The following MOB3B variants were observed in gnomAD, a reference collection of about 807,000 sequenced individuals.
The protein encoded by MOB3B is MOB kinase activator-like 2B.
A neutral mutation model predicts 18.7 loss-of-function variants in MOB3B; 7 were observed. The observed-to-expected ratio is 0.37, with a 90% CI of 0.21 to 0.70. The LOEUF is 0.70. MOB3B is among the 30% of genes least tolerant of loss of function. The pLI, the probability that MOB3B is intolerant of heterozygous loss-of-function variation, is 0.52. For synonymous variants in MOB3B, 111 were observed against 99.9 expected (o/e 1.11, Z -0.66); for missense variants, 253 against 281.3 (o/e 0.90, Z 0.72).
At chr9:27,506,971 C>T (rs114859072) in intron 1 of MOB3B, among the ~76,000 whole-genome samples, 1,738 of 151,962 alleles carry the variant, frequency 0.011, 36 homozygotes, top group African/African-American at 0.039. Flanking sequence ...TGAGCCACTG[C>T]GCCCAGCCCA....
chr9:27,391,483 T>C (rs981500203), intron 2 of MOB3B, among the ~76,000 whole-genome samples: 5 of 152,226 alleles, frequency 3.3e-5, no homozygotes, highest in African/African-American at 4.8e-5. Context: ...TATGTTATTG[T>C]TGGAAGTGTG....
chr9:27,330,534 C>G lies in MOB3B; in HGVS notation c.*53G>C. On this transcript the variant is annotated 3_prime_UTR_variant, in exon 4 of 4. Transcript: ENST00000262244. ...CAGGGTGGTCCACCTCCTGCCCGCT[C>G]AGGGCACCAGGAGGAAACAGCTTTC... 2 of 1,612,554 alleles carry G rather than the reference C, an allele frequency of 1.2e-6. No individual in the cohort carries two copies. The highest frequency in any genetic ancestry group is 1.7e-6 in the Non-Finnish European group (2 of 1,179,238).
At chr9:27,339,779 T>A (rs900502384) in intron 3 of MOB3B, among the ~76,000 whole-genome samples, 1 of 152,250 alleles carries the variant, frequency 6.6e-6, no homozygotes, top group South Asian at 2.1e-4. Context: ...CTACATGTGC[T>A]GTTTCAGTTG....
chr9:27,501,679 A>G (rs1287315319), intron 1 of MOB3B, among the ~76,000 whole-genome samples: 1 of 151,508 alleles, frequency 6.6e-6, no homozygotes, highest in African/African-American at 2.4e-5. Flanking sequence ...AGGCAAGTGA[A>G]TCACTTGAAC....
chr9:27,477,322 A>G (rs1819569417), intron 1 of MOB3B, among the ~76,000 whole-genome samples: 1 of 152,220 alleles, frequency 6.6e-6, no homozygotes, highest in Admixed American at 6.5e-5. Flanking sequence ...TCATTACTGC[A>G]TGTAAGCCTG....
At chr9:27,482,052 G>A (rs969205705) in intron 1 of MOB3B, among the ~76,000 whole-genome samples, 5 of 151,762 alleles carry the variant, frequency 3.3e-5, no homozygotes, top group East Asian at 1.9e-4. Flanking sequence ...CGAAAAGCAC[G>A]GTAAATAAAA....
At chr9:27,362,764 GA>G (rs1821291705) in intron 2 of MOB3B, among the ~76,000 whole-genome samples, 1 of 152,182 alleles carries the variant, frequency 6.6e-6, no homozygotes, top group Non-Finnish European at 1.5e-5. Flanking sequence ...AGTGGGAAAA[GA>G]ACAGGAAAGC....
At chr9:27,475,769 A>G (rs1360937898) in intron 1 of MOB3B, among the ~76,000 whole-genome samples, 2 of 152,216 alleles carry the variant, frequency 1.3e-5, no homozygotes, top group Admixed American at 6.5e-5. Context: ...ATTTGAAAGT[A>G]TATCATTTAC....
chr9:27,355,970 T>C (rs1218777744), intron 3 of MOB3B, among the ~76,000 whole-genome samples: 2 of 152,218 alleles, frequency 1.3e-5, no homozygotes, highest in Admixed American at 6.5e-5. Context: ...TTAGGCATCC[T>C]AGCACTGTCA....
At chr9:27,435,867 C>CT (rs1416095433) in intron 2 of MOB3B, among the ~76,000 whole-genome samples, 1 of 152,178 alleles carries the variant, frequency 6.6e-6, no homozygotes, top group African/African-American at 2.4e-5. Context: ...TCCCAAAGTG[C>CT]TGGGATTAAA....
In MOB3B at chr9:27,417,321, G is replaced by A. The variant is rs1197922654; in HGVS notation, c.418+37812C>T. On this transcript the variant is annotated intron_variant, in intron 2 of 3. Coordinates refer to ENST00000262244, the MANE Select transcript of MOB3B (RefSeq NM_024761.5). The stretch of plus-strand genomic sequence containing the variant: ...GGAGCTTGCAGTGAGCCGAGATTGC[G>A]TCACTGTACTCCAGCTTGGGCGACA... Among the ~76,000 whole-genome samples, 6 of 152,274 alleles carry A rather than the reference G, an allele frequency of 3.9e-5. No individual in the cohort carries two copies. The East Asian group carries it at 5.8e-4, about 15-fold the overall frequency.
At chr9:27,495,353 A>G (rs887426891) in intron 1 of MOB3B, among the ~76,000 whole-genome samples, 1 of 151,832 alleles carries the variant, frequency 6.6e-6, no homozygotes, top group Non-Finnish European at 1.5e-5. Context: ...TAAATAGATA[A>G]ATAAATAAAT....
chr9:27,524,870 C>G, intron 1 of MOB3B: 1 of 1,613,986 alleles, frequency 6.2e-7, no homozygotes, highest in Non-Finnish European at 8.5e-7. Flanking sequence ...AAAAGAAATA[C>G]AGTGACTGTG....
At chr9:27,501,204 G>A (rs536974564) in intron 1 of MOB3B, among the ~76,000 whole-genome samples, 54 of 152,160 alleles carry the variant, frequency 3.5e-4, no homozygotes, top group South Asian at 2.1e-4. Flanking sequence ...GATTCCTCAA[G>A]GATCTAGAGC....
At chr9:27,416,544 A>ATTTTTTTTTTTTTTTTT (rs559806304) in intron 2 of MOB3B, among the ~76,000 whole-genome samples, 8 of 121,422 alleles carry the variant, frequency 6.6e-5, no homozygotes, top group Non-Finnish European at 8.3e-5. Flanking sequence ...TTTCTTTTTA[A>ATTTTTTTTTTTTTTTTT]TTTTTTTTTT....
intron 1 of MOB3B, among the ~76,000 whole-genome samples, chr9:27,519,647 G>A (rs1172265399): frequency 6.6e-6 from 1 of 152,178 alleles, no homozygotes; most frequent in East Asian, 1.9e-4. Flanking sequence ...AGTTGCCGCA[G>A]GGGAGGAGAG....
At chr9:27,463,475 G>A (rs1325046665) in intron 1 of MOB3B, among the ~76,000 whole-genome samples, 1 of 152,070 alleles carries the variant, frequency 6.6e-6, no homozygotes, top group African/African-American at 2.4e-5. Context: ...TACACCTAAG[G>A]GGGTCAGGGA....
At position 27,329,389 on chromosome 9, in the gene MOB3B, G is replaced by C. The variant is rs988837059; in HGVS notation, c.*1198C>G. Reference sequence around the variant, plus strand: ...ATTATTCTGACTGTCTTCTGGAATAGAAAAATTGGAAAGGATGAAAGAAGG... The same window carrying C: ...ATTATTCTGACTGTCTTCTGGAATACAAAAATTGGAAAGGATGAAAGAAGG... On this transcript the variant is annotated 3_prime_UTR_variant, in exon 4 of 4. Coordinates refer to ENST00000262244, the MANE Select transcript of MOB3B (RefSeq NM_024761.5). The C allele has an allele frequency of 1.3e-5, 2 of 152,170 alleles. No individual in the cohort carries two copies. Among genetic ancestry groups the C allele is most frequent in the African/African-American group, 4.8e-5 (2 of 41,428 alleles). The allele number at this position is 152,170 out of a possible 1,614,324, so 9.4% of individuals were successfully genotyped here. A position where few individuals can be genotyped will look rare whatever the true frequency, so the allele number is the denominator to read the frequency against.
At chr9:27,479,928 G>A (rs780067177) in intron 1 of MOB3B, among the ~76,000 whole-genome samples, 9 of 152,008 alleles carry the variant, frequency 5.9e-5, no homozygotes, top group Non-Finnish European at 1.3e-4. Context: ...GTGGTGGTAC[G>A]TATCTATAGT....
Sources: gnomAD v4.1 joint callset for allele counts (sites outside exome capture counted in the v4.1 genomes callset) on GRCh38, gnomAD v4.1.1 for gene constraint, MANE v1.5 for transcripts, NCBI Gene and HGNC (gene_info 2026-07-23, HGNC 2026-07-21) for gene names.